SDC2: variants seen among roughly 807,000 people sequenced by gnomAD.
The protein encoded by SDC2 is syndecan-2.
Under a neutral mutation model 22.2 loss-of-function variants are expected in SDC2, and 13 were observed. The observed-to-expected ratio is 0.59, with a 90% CI of 0.38 to 0.93. The LOEUF (loss-of-function observed/expected upper bound fraction) is 0.93. Among genes scored for constraint, SDC2 ranks in the 40% least tolerant of loss-of-function variants. The pLI is 0.00. For missense variants in SDC2, 235 were observed against 246.8 expected, an observed-to-expected ratio of 0.95 and a Z score of 0.32; for synonymous variants, 94 against 92.8, an observed-to-expected ratio of 1.01 and a Z score of -0.07.
intron 2 of SDC2, among the ~76,000 whole-genome samples, chr8:96,594,725 A>G (rs1343198763): frequency 6.6e-6 from 1 of 152,200 alleles, no homozygotes; most frequent in Non-Finnish European, 1.5e-5. Context: ...GTAATTTATA[A>G]AAGAAAAGAG....
chr8:96,543,968 A>T (rs139017710), intron 1 of SDC2, among the ~76,000 whole-genome samples: 191 of 152,314 alleles, frequency 1.3e-3, no homozygotes, highest in African/African-American at 3.6e-3. Flanking sequence ...TATCGATTGT[A>T]TTCTGTATGT....
chr8:96,589,045 T>C (rs1814732614), intron 1 of SDC2, among the ~76,000 whole-genome samples: 1 of 152,240 alleles, frequency 6.6e-6, no homozygotes, highest in African/African-American at 2.4e-5. Context: ...ATCAAGACTC[T>C]ACTACACTTG....
intron 1 of SDC2, among the ~76,000 whole-genome samples, chr8:96,523,887 G>A (rs902632242): frequency 9.2e-5 from 14 of 152,172 alleles, no homozygotes; most frequent in African/African-American, 2.7e-4. Context: ...GTTGCTCAAC[G>A]TGTTGGTAAC....
intron 1 of SDC2, among the ~76,000 whole-genome samples, chr8:96,559,963 A>G (rs761516114): frequency 6.6e-6 from 1 of 152,224 alleles, no homozygotes; most frequent in Non-Finnish European, 1.5e-5. Context: ...TTAATTGTCA[A>G]CTGATTTTTT....
At chr8:96,560,060 A>T (rs1814182729) in intron 1 of SDC2, among the ~76,000 whole-genome samples, 1 of 152,162 alleles carries the variant, frequency 6.6e-6, no homozygotes, top group South Asian at 2.1e-4. Flanking sequence ...GAGTTGTGGA[A>T]CCATCACTAC....
At chr8:96,521,863 G>A (rs1416868336) in intron 1 of SDC2, among the ~76,000 whole-genome samples, 1 of 152,062 alleles carries the variant, frequency 6.6e-6, no homozygotes, top group Non-Finnish European at 1.5e-5. Flanking sequence ...TTGATATGGG[G>A]GTACTTATTG....
chr8:96,602,507 C>A lies in SDC2; in HGVS notation c.285C>A (p.Asn95Lys). ...AAACCACGACGCTGAATATACAGAA[C>A]AAGATACCTGCTCAGACAAAGGTGC... ...KVETTTLNIQ[N>K]KIPAQTKSPE... Residue 95 changes from asparagine to lysine, a missense_variant, in exon 3 of 5, where the codon AAC becomes AAA. Physicochemically the swap from Asn to Lys is moderately conservative, Grantham distance 94 (BLOSUM62 0). Transcript: ENST00000302190. The A allele has an allele frequency of 1.9e-6, 3 of 1,614,144 alleles. No homozygotes were observed. Among genetic ancestry groups the A allele is most frequent in the Non-Finnish European group, 1.7e-6 (2 of 1,179,976 alleles).
At chr8:96,514,212 T>C (rs1269950032) in intron 1 of SDC2, among the ~76,000 whole-genome samples, 1 of 152,184 alleles carries the variant, frequency 6.6e-6, no homozygotes, top group Non-Finnish European at 1.5e-5. Flanking sequence ...ACAGGTACTT[T>C]AACCAGTTAG....
At chr8:96,608,560 G>A (rs1355123541) in intron 4 of SDC2, 90 bp downstream of exon 4, 1 of 1,195,738 alleles carries the variant, frequency 8.4e-7, no homozygotes, top group African/African-American at 1.5e-5. Context: ...AAAGCTTGCT[G>A]TCATCTTTCT....
At chr8:96,504,205 G>A (rs1813206035) in intron 1 of SDC2, among the ~76,000 whole-genome samples, 1 of 152,152 alleles carries the variant, frequency 6.6e-6, no homozygotes, top group Non-Finnish European at 1.5e-5. Context: ...TCTGTGCTTC[G>A]GACTCAATTC....
chr8:96,519,608 GA>G (rs1813462696), intron 1 of SDC2, among the ~76,000 whole-genome samples: 1 of 151,804 alleles, frequency 6.6e-6, no homozygotes, highest in African/African-American at 2.4e-5. Context: ...CTTAAGTGGT[GA>G]AAAAAATTAA....
At chr8:96,504,102 G>GA (rs1813204657) in intron 1 of SDC2, among the ~76,000 whole-genome samples, 1 of 152,200 alleles carries the variant, frequency 6.6e-6, no homozygotes, top group Admixed American at 6.5e-5. Context: ...AACAGATGCA[G>GA]AAAAAGCATC....
chr8:96,532,743 T>C (rs1054919754), intron 1 of SDC2, among the ~76,000 whole-genome samples: 1 of 152,140 alleles, frequency 6.6e-6, no homozygotes, highest in Non-Finnish European at 1.5e-5. Flanking sequence ...CCGCACTTAA[T>C]GGCTGAGTAC....
At chr8:96,510,373 C>G (rs1383332307) in intron 1 of SDC2, among the ~76,000 whole-genome samples, 1 of 152,158 alleles carries the variant, frequency 6.6e-6, no homozygotes, top group Non-Finnish European at 1.5e-5. Context: ...TTTAGGCTGT[C>G]TTGTGAGCAA....
chr8:96,578,432 C>T (rs553032537), intron 1 of SDC2, among the ~76,000 whole-genome samples: 5 of 152,306 alleles, frequency 3.3e-5, no homozygotes, highest in South Asian at 4.1e-4. Flanking sequence ...TCGGACAGTG[C>T]AGATGTAGAA....
intron 1 of SDC2, among the ~76,000 whole-genome samples, chr8:96,568,183 C>A (rs567193074): frequency 6.6e-6 from 1 of 152,200 alleles, no homozygotes; most frequent in Non-Finnish European, 1.5e-5. Flanking sequence ...GCAAAGCCTG[C>A]GGGTTTTCCT....
intron 1 of SDC2, among the ~76,000 whole-genome samples, chr8:96,570,707 T>C (rs1814379233): frequency 6.6e-6 from 1 of 152,196 alleles, no homozygotes; most frequent in African/African-American, 2.4e-5. Context: ...AAACTTAGTA[T>C]GAAAAAAATA....
intron 1 of SDC2, among the ~76,000 whole-genome samples, chr8:96,540,357 A>AT (rs1220674689): frequency 0.015 from 1,250 of 82,152 alleles, 19 homozygotes; most frequent in African/African-American, 0.038. Context: ...TATATATATA[A>AT]AAATTAGTCG....
At position 96,557,572 on chromosome 8, in the gene SDC2, C is replaced by T. The variant is rs372762989; in HGVS notation, c.61-35908C>T. On this transcript the variant is annotated intron_variant, in intron 1 of 4. Coordinates refer to ENST00000302190, the MANE Select transcript of SDC2 (RefSeq NM_002998.4). ...TTCTCACTCATAGGTGGGAACTGAACAATGAGATCACATGGTCACAGGAAG... is the reference window on the plus strand; with the variant it reads ...TTCTCACTCATAGGTGGGAACTGAATAATGAGATCACATGGTCACAGGAAG... 1.7e-4 allele frequency among the ~76,000 whole-genome samples: 24 copies of T among 141,228 alleles called. No individual in the cohort carries two copies. In the South Asian group the frequency reaches 4.9e-3, roughly 29 times the overall value. 92.7% of individuals were successfully genotyped at this position (141,228 alleles called of 152,430 possible). A position where few individuals can be genotyped will look rare whatever the true frequency, so the allele number is the denominator to read the frequency against.
Sources: allele counts gnomAD v4.1 joint callset (sites outside exome capture counted in the v4.1 genomes callset), GRCh38; gene constraint gnomAD v4.1.1; transcripts MANE v1.5; gene names NCBI Gene and HGNC (gene_info 2026-07-23, HGNC 2026-07-21).